KATNBL1: variants seen among roughly 807,000 people sequenced by gnomAD.
The protein encoded by KATNBL1 is katanin regulatory subunit B1 like 1.
A neutral mutation model predicts 44.7 loss-of-function variants in KATNBL1; 28 were observed. The observed-to-expected ratio is 0.63, with a 90% CI of 0.46 to 0.86. KATNBL1 has a LOEUF of 0.86. Ranked by LOEUF, KATNBL1 falls within the 40% of genes least tolerant of loss-of-function variation. KATNBL1 has a pLI of 0.00. For missense variants in KATNBL1, 272 were observed against 350.7 expected (o/e 0.78, Z 1.79); for synonymous variants, 78 against 114.9 (o/e 0.68, Z 2.06).
Position 34,154,639 on chromosome 15 carries a change from C to CT in KATNBL1, c.158+4dup. 1 of 1,562,104 alleles carries CT rather than the reference C, an allele frequency of 6.4e-7. No homozygotes were observed. The highest frequency in any genetic ancestry group is 8.8e-7 in the Non-Finnish European group (1 of 1,132,862). ...GTTCCCCACAAACTTTAAAGAAACTCTTACCTATTTATGTAAGCAGCCAAC... is the reference window on the plus strand; with the variant it reads ...GTTCCCCACAAACTTTAAAGAAACTCTTTACCTATTTATGTAAGCAGCCAAC... On this transcript the variant is annotated splice_donor_region_variant and intron_variant, in intron 3 of 9. Transcript: ENST00000256544.
intron 1 of KATNBL1, among the ~76,000 whole-genome samples, chr15:34,182,020 T>A (rs1354765073): frequency 6.6e-6 from 1 of 151,500 alleles, no homozygotes; most frequent in African/African-American, 2.4e-5. Context: ...AGACATATTA[T>A]CCTCTTTCTA....
In KATNBL1 at chr15:34,141,562, T is replaced by C. The variant is rs1332817432; in HGVS notation, c.*777A>G. The C allele has an allele frequency of 6.6e-6, 1 of 152,538 alleles. No homozygotes were observed. The highest frequency in any genetic ancestry group is 6.5e-5 in the Admixed American group (1 of 15,272). 9.4% of individuals were successfully genotyped at this position (152,538 alleles called of 1,614,324 possible). A position where few individuals can be genotyped will look rare whatever the true frequency, so the allele number is the denominator to read the frequency against. On this transcript the variant is annotated 3_prime_UTR_variant, in exon 10 of 10. Coordinates refer to ENST00000256544, the MANE Select transcript of KATNBL1 (RefSeq NM_024713.3). ...AAACATATTCACCTTTTTCCTTAGA[T>C]AGGGATAACACATTCATACATGACA...
chr15:34,183,737 G>A (rs1889630380), intron 1 of KATNBL1, among the ~76,000 whole-genome samples: 2 of 152,232 alleles, frequency 1.3e-5, no homozygotes, highest in Non-Finnish European at 2.9e-5. Context: ...TGATTTCAAA[G>A]TGGTAGGCAA....
intron 4 of KATNBL1, among the ~76,000 whole-genome samples, chr15:34,149,072 C>G (rs79340900): frequency 0.062 from 9,467 of 152,196 alleles, 362 homozygotes; most frequent in Middle Eastern, 0.1. Context: ...TAGTCATTAC[C>G]AACTGAATGG....
In KATNBL1 at chr15:34,149,985, A is replaced by G. The variant is rs140151822; in HGVS notation, c.439-1235T>C. Reference sequence around the variant, plus strand: ...AACTGATGAGTGGACATCCTGATATATGTAAATATGTGCACTTGTACAGAC... The same window carrying G: ...AACTGATGAGTGGACATCCTGATATGTGTAAATATGTGCACTTGTACAGAC... On this transcript the variant is annotated intron_variant, in intron 4 of 9. Coordinates refer to ENST00000256544, the MANE Select transcript of KATNBL1 (RefSeq NM_024713.3). Among the ~76,000 whole-genome samples the G allele has an allele frequency of 9.1e-3, 1,383 of 152,370 alleles. 21 individuals are homozygous for G. Among genetic ancestry groups the G allele is most frequent in the African/African-American group, 0.032 (1,314 of 41,576 alleles).
At chr15:34,191,277 G>A (rs1889866057) in intron 1 of KATNBL1, among the ~76,000 whole-genome samples, 1 of 148,870 alleles carries the variant, frequency 6.7e-6, no homozygotes. Context: ...CCTTTTTATT[G>A]TTAACAGACT....
At chr15:34,208,199 G>A (rs1219286003) in intron 1 of KATNBL1, among the ~76,000 whole-genome samples, 1 of 152,092 alleles carries the variant, frequency 6.6e-6, no homozygotes, top group Non-Finnish European at 1.5e-5. Context: ...CCCATTACCT[G>A]AGCAGTGAAC....
intron 1 of KATNBL1, among the ~76,000 whole-genome samples, chr15:34,206,781 G>C (rs1346240456): frequency 4.7e-5 from 7 of 148,624 alleles, no homozygotes; most frequent in African/African-American, 1.7e-4. Context: ...ACAAGAGCAA[G>C]ACTCCGTCTC....
intron 1 of KATNBL1, among the ~76,000 whole-genome samples, chr15:34,194,507 C>T (rs1228464428): frequency 2.6e-5 from 4 of 152,064 alleles, no homozygotes; most frequent in Admixed American, 6.6e-5. Context: ...CCTGTAGTTC[C>T]AGCTACTTGG....
Position 34,147,414 on chromosome 15 carries a change from C to T in KATNBL1, c.574G>A (p.Val192Ile), listed in dbSNP as rs369718128. The change falls in exon 6 of 10, where the codon GTT becomes ATT. Residue 192 changes from valine to isoleucine, a missense_variant. Val to Ile is a conservative substitution (Grantham distance 29). Coordinates refer to ENST00000256544, the MANE Select transcript of KATNBL1 (RefSeq NM_024713.3). ...AYLLRIEDLG[V>I]VVDCLPVLTN... ...AGCACAGGAAGGCAATCTACCACAA[C>T]GCCAAGATCTTCTATCCTGAGAGTA... 79 of 1,612,720 alleles carry T rather than the reference C, an allele frequency of 4.9e-5. No individual in the cohort carries two copies. The highest frequency in any genetic ancestry group is 1.6e-4 in the Middle Eastern group (1 of 6,078).
chr15:34,176,860 T>C (rs369515035), intron 1 of KATNBL1, among the ~76,000 whole-genome samples: 1 of 152,194 alleles, frequency 6.6e-6, no homozygotes, highest in African/African-American at 2.4e-5. Flanking sequence ...AGCACCTTTG[T>C]TGGGGCAACA....
chr15:34,209,486 C>G (rs910816377), intron 1 of KATNBL1: 1 of 152,164 alleles, frequency 6.6e-6, no homozygotes, highest in Non-Finnish European at 1.5e-5. Flanking sequence ...GCAGTTATGT[C>G]AAGTTTTTGT....
chr15:34,142,266 C>CT lies in KATNBL1; in HGVS notation c.*72dup, dbSNP rs3028163. The CT allele has an allele frequency of 0.01, 12,287 of 1,192,658 alleles. 1 individual carries two copies. The highest frequency in any genetic ancestry group is 0.017 in the Middle Eastern group (52 of 3,044). 73.9% of individuals were successfully genotyped at this position (1,192,658 alleles called of 1,614,324 possible). A position where few individuals can be genotyped will look rare whatever the true frequency, so the allele number is the denominator to read the frequency against. Reference sequence around the variant, plus strand: ...CACAGTTCACAGTTCTCAGACGAGACTTTTTTTTTTTGTAAATTATACAGT... The same window carrying CT: ...CACAGTTCACAGTTCTCAGACGAGACTTTTTTTTTTTTGTAAATTATACAGT... On this transcript the variant is annotated 3_prime_UTR_variant, in exon 10 of 10. Transcript: ENST00000256544.
chr15:34,162,210 G>T (rs1487053170), intron 2 of KATNBL1, among the ~76,000 whole-genome samples: 1 of 152,082 alleles, frequency 6.6e-6, no homozygotes, highest in African/African-American at 2.4e-5. Flanking sequence ...TCCCATAATT[G>T]CCAAGTGTTG....
intron 5 of KATNBL1, 134 bp downstream of exon 5, chr15:34,148,497 AG>A: frequency 1.8e-6 from 1 of 564,578 alleles, no homozygotes; most frequent in Non-Finnish European, 3.3e-6. Context: ...CTGAGGTGGG[AG>A]GGCTGCTTGA....
At chr15:34,154,830 A>G (rs1457373176) in intron 2 of KATNBL1, 146 bp from the exon 3 acceptor site, 1 of 631,946 alleles carries the variant, frequency 1.6e-6, no homozygotes, top group South Asian at 1.8e-5. Context: ...TCGCAAGAGC[A>G]TACCGGGCAT....
chr15:34,155,031 CAGAGCAGGTGACTA>C (rs1294623246), intron 2 of KATNBL1, among the ~76,000 whole-genome samples: 1 of 151,928 alleles, frequency 6.6e-6, no homozygotes, highest in Non-Finnish European at 1.5e-5. Context: ...TGACTAAGGA[CAGAGCAGGTGACTA>C]AGGATGACTA....
intron 2 of KATNBL1, among the ~76,000 whole-genome samples, chr15:34,162,196 T>C (rs1287504504): frequency 1.3e-5 from 2 of 152,222 alleles, no homozygotes; most frequent in African/African-American, 2.4e-5. Flanking sequence ...TCTTGAATTA[T>C]AGCTCCCATA....
At chr15:34,182,826 G>T (rs1168853431) in intron 1 of KATNBL1, among the ~76,000 whole-genome samples, 5 of 152,154 alleles carry the variant, frequency 3.3e-5, no homozygotes, top group Non-Finnish European at 5.9e-5. Context: ...AAATATCAGT[G>T]ATTGCCAGAG....
Sources: allele counts gnomAD v4.1 joint callset (sites outside exome capture counted in the v4.1 genomes callset), GRCh38; gene constraint gnomAD v4.1.1; transcripts MANE v1.5; gene names NCBI Gene and HGNC (gene_info 2026-07-23, HGNC 2026-07-21).